Variants in RERE observed in about 807,000 individuals in gnomAD.
RERE encodes the protein arginine-glutamic acid dipeptide repeats protein.
Under a neutral mutation model 146.1 loss-of-function variants are expected in RERE, and 40 were observed. The ratio of observed to expected loss-of-function variants is 0.27; its 90% confidence interval spans 0.21 to 0.36. The LOEUF (loss-of-function observed/expected upper bound fraction) is 0.36, where lower values mean the gene tolerates loss of function less well. Ranked by LOEUF, RERE falls within the 10% of genes least tolerant of loss-of-function variation. RERE has a pLI of 1.00. For synonymous variants in RERE, 1,003 were observed against 866.0 expected (o/e 1.16, Z -2.78); for missense variants, 1,933 against 2,138.7 (o/e 0.90, Z 1.90).
Position 8,361,042 on chromosome 1 carries a change from G to A in RERE, c.2465C>T (p.Pro822Leu), listed in dbSNP as rs780817788. The A allele has an allele frequency of 6.9e-7, 1 of 1,439,084 alleles. No homozygotes were observed. The highest frequency in any genetic ancestry group is 1.4e-5 in the African/African-American group (1 of 69,578). 89.1% of individuals were successfully genotyped at this position (1,439,084 alleles called of 1,614,324 possible). A position where few individuals can be genotyped will look rare whatever the true frequency, so the allele number is the denominator to read the frequency against. The change falls in exon 18 of 23, where the codon CCA (proline) becomes CTA (leucine). Residue 822 changes from proline to leucine, a missense_variant. Pro to Leu is a moderately conservative substitution (Grantham distance 98). This residue lies in a region of RERE where 1,255 missense variants were observed against 1,153.8 expected (regional missense o/e 1.09). Coordinates refer to ENST00000400908, the MANE Select transcript of RERE (RefSeq NM_001042681.2). Reference protein sequence around the residue: ...PSPHPPPHPSPHPPLQPLTGS... With the variant: ...PSPHPPPHPSLHPPLQPLTGS... ...AGTCAGAGGCTGCAGCGGGGGATGT[G>A]GCGAGGGATGCGGCGGGGGATGCGG... is the stretch of plus-strand genomic sequence containing the variant.
chr1:8,667,977 G>A (rs1384420669), intron 1 of RERE, among the ~76,000 whole-genome samples: 2 of 152,110 alleles, frequency 1.3e-5, no homozygotes, highest in East Asian at 1.9e-4. Flanking sequence ...TTCTAACAAC[G>A]CAACCCACTG....
rs760793338 is a variant in RERE, at chr1:8,356,560, C to T, written c.4340-314G>A. On this transcript the variant is annotated intron_variant, in intron 20 of 22. Transcript: ENST00000400908. This position sits in a 1 kb window ranked among gnomAD's most constrained non-coding sequence, Gnocchi z 5.2. ...CCGGGATCAGCAGGGTCCCTCTCGC[C>T]GGCCACCTGGGCCTGCCCTCTGCCT... 2.0e-5 allele frequency among the ~76,000 whole-genome samples: 3 copies of T among 152,180 alleles called. No homozygotes were observed. The highest frequency in any genetic ancestry group is 7.2e-5 in the African/African-American group (3 of 41,446).
chr1:8,556,746 G>C (rs1398554442), intron 5 of RERE, among the ~76,000 whole-genome samples, 175 bp from the exon 6 acceptor site: 1 of 152,124 alleles, frequency 6.6e-6, no homozygotes, highest in East Asian at 1.9e-4. Context: ...AACAATAACA[G>C]AATGTACAGT....
Position 8,560,485 on chromosome 1 carries a change from C to T in RERE, c.523-2962G>A, listed in dbSNP as rs546145046. Among the ~76,000 whole-genome samples, 46 of 152,162 alleles carry T rather than the reference C, an allele frequency of 3.0e-4. 1 individual carries two copies. The Middle Eastern group carries it at 0.014, about 45-fold the overall frequency. ...GAGCACTACAGGGTAGGGAAGATGGCCTACTGGAAAGAAGATGGGAAGGCC... is the reference window on the plus strand; with the variant it reads ...GAGCACTACAGGGTAGGGAAGATGGTCTACTGGAAAGAAGATGGGAAGGCC... On this transcript the variant is annotated intron_variant, in intron 4 of 22. Coordinates refer to ENST00000400908, the MANE Select transcript of RERE (RefSeq NM_001042681.2).
Position 8,398,065 on chromosome 1 carries a change from C to G in RERE, c.1284+24662G>C, listed in dbSNP as rs150271433. 5.4e-4 allele frequency among the ~76,000 whole-genome samples: 83 copies of G among 152,298 alleles called. No homozygotes were observed. The East Asian group carries it at 0.015, about 28-fold the overall frequency. On this transcript the variant is annotated intron_variant, in intron 12 of 22. Coordinates refer to ENST00000400908, the MANE Select transcript of RERE (RefSeq NM_001042681.2). The stretch of plus-strand genomic sequence containing the variant: ...GCCCTAAGAGAGGCATGATGTTCTA[C>G]AGGGGTATTCAAAGGACAGAGTTAT...
intron 2 of RERE, among the ~76,000 whole-genome samples, chr1:8,647,523 A>C (rs1425507960): frequency 6.6e-6 from 1 of 152,192 alleles, no homozygotes; most frequent in Non-Finnish European, 1.5e-5. Context: ...ACAAAATATG[A>C]ATGTTTCAAG....
At chr1:8,613,832 A>C (rs1166364266) in intron 4 of RERE, among the ~76,000 whole-genome samples, 1 of 152,178 alleles carries the variant, frequency 6.6e-6, no homozygotes, top group South Asian at 2.1e-4. Flanking sequence ...TCCTCCATTA[A>C]GTCCTACCAT....
intron 1 of RERE, among the ~76,000 whole-genome samples, chr1:8,811,514 G>A (rs1377952316): frequency 6.6e-6 from 1 of 152,138 alleles, no homozygotes; most frequent in East Asian, 1.9e-4. Context: ...AGGCCAAGGA[G>A]GGAGGATAAC....
intron 1 of RERE, among the ~76,000 whole-genome samples, chr1:8,762,225 T>C (rs1364268075): frequency 6.6e-6 from 1 of 152,138 alleles, no homozygotes; most frequent in African/African-American, 2.4e-5. Context: ...CAGCCTCCTA[T>C]CACAAGTACC....
chr1:8,489,833 G>A (rs1258508941), intron 10 of RERE, among the ~76,000 whole-genome samples: 1 of 151,894 alleles, frequency 6.6e-6, no homozygotes, highest in Admixed American at 6.6e-5. Context: ...GGAGGATCAC[G>A]AGGTCAGGAG....
At chr1:8,804,522 T>G (rs1020779592) in intron 1 of RERE, among the ~76,000 whole-genome samples, 2 of 152,194 alleles carry the variant, frequency 1.3e-5, no homozygotes, top group Non-Finnish European at 2.9e-5. Flanking sequence ...AACCCCTGAT[T>G]TTTGACTAGG....
intron 1 of RERE, among the ~76,000 whole-genome samples, chr1:8,758,202 G>C (rs1468878021): frequency 6.6e-6 from 1 of 151,200 alleles, no homozygotes; most frequent in Non-Finnish European, 1.5e-5. Context: ...TCTCCTGCCT[G>C]AGTCTCTCGA....
chr1:8,802,264 A>G (rs1641603553), intron 1 of RERE, among the ~76,000 whole-genome samples: 1 of 152,176 alleles, frequency 6.6e-6, no homozygotes, highest in South Asian at 2.1e-4. Flanking sequence ...TCCCTCTCCA[A>G]AATGCTCTTA....
At chr1:8,736,355 C>T (rs941458866) in intron 1 of RERE, among the ~76,000 whole-genome samples, 3 of 152,046 alleles carry the variant, frequency 2.0e-5, no homozygotes, top group Middle Eastern at 3.2e-3. Flanking sequence ...TACAGGCGCC[C>T]GCCACCACGC....
intron 1 of RERE, among the ~76,000 whole-genome samples, chr1:8,725,365 A>G (rs1366094634): frequency 6.6e-6 from 1 of 152,238 alleles, no homozygotes; most frequent in East Asian, 1.9e-4. Context: ...CAGGAGTTTG[A>G]GACCAACCTG....
intron 12 of RERE, among the ~76,000 whole-genome samples, chr1:8,378,292 C>A (rs1382474557): frequency 2.0e-5 from 3 of 152,222 alleles, no homozygotes; most frequent in Non-Finnish European, 2.9e-5. Context: ...GCAAACCAGG[C>A]CCTGGCTTCT....
chr1:8,757,628 AG>A (rs1640668228), intron 1 of RERE, among the ~76,000 whole-genome samples: 3 of 152,210 alleles, frequency 2.0e-5, no homozygotes, highest in Admixed American at 6.5e-5. Context: ...ATTGTAGTTA[AG>A]AGAGCTGGTA....
intron 12 of RERE, among the ~76,000 whole-genome samples, chr1:8,374,378 T>A (rs2124395156): frequency 6.6e-6 from 1 of 152,224 alleles, no homozygotes; most frequent in Non-Finnish European, 1.5e-5. Context: ...AATTTTTTTT[T>A]TACCACTACA....
At chr1:8,478,035 G>T (rs1457823424) in intron 10 of RERE, among the ~76,000 whole-genome samples, 1 of 152,198 alleles carries the variant, frequency 6.6e-6, no homozygotes, top group Non-Finnish European at 1.5e-5. Flanking sequence ...AAAGGCCCTG[G>T]AGAGCCAGGA....
Sources: gnomAD v4.1 joint callset for allele counts (sites outside exome capture counted in the v4.1 genomes callset) on GRCh38, gnomAD v4.1.1 for gene constraint, gnomAD v4.1.1 regional missense constraint, Gnocchi (gnomAD v3.1) non-coding constraint, MANE v1.5 for transcripts, NCBI Gene and HGNC (gene_info 2026-07-23, HGNC 2026-07-21) for gene names.